The following STARD13 variants were observed in gnomAD, a reference collection of about 807,000 sequenced individuals.
STARD13 encodes StAR related lipid transfer domain containing 13.
In STARD13, 62 loss-of-function variants were observed where a neutral mutation model predicts 106.4. That is an observed-to-expected ratio of 0.58 (90% confidence interval 0.48 to 0.72). STARD13 has a LOEUF of 0.72. STARD13 is among the 30% of genes least tolerant of loss of function. The pLI, the probability that STARD13 is intolerant of heterozygous loss-of-function variation, is 0.00. For missense variants in STARD13, 1,387 were observed against 1,424.0 expected, an observed-to-expected ratio of 0.97 and a Z score of 0.42; for synonymous variants, 565 against 553.0, an observed-to-expected ratio of 1.02 and a Z score of -0.31.
At chr13:33,430,003 C>T in the STARD13 span, among the ~76,000 whole-genome samples, 10 of 151,768 alleles carry the variant, frequency 6.6e-5, no homozygotes, top group African/African-American at 7.3e-5. Context: ...CTGCAAGCTC[C>T]GCCTCCCAGG....
the STARD13 span, among the ~76,000 whole-genome samples, chr13:33,477,117 C>T: frequency 2.0e-5 from 3 of 152,210 alleles, no homozygotes; most frequent in Non-Finnish European, 4.4e-5. Flanking sequence ...AATGTTACCT[C>T]TCTAAATTCT....
At chr13:33,659,801 C>A in the STARD13 span, 4 of 152,244 alleles carry the variant, frequency 2.6e-5, no homozygotes, top group South Asian at 8.3e-4. Context: ...AAAATGACAT[C>A]CTGAGCTAAG....
At chr13:33,639,286 A>C in the STARD13 span, among the ~76,000 whole-genome samples, 1 of 152,152 alleles carries the variant, frequency 6.6e-6, no homozygotes, top group African/African-American at 2.4e-5. Flanking sequence ...GAATACTTGT[A>C]CCAAGGCCAT....
chr13:33,550,348 T>C, the STARD13 span, among the ~76,000 whole-genome samples: 1 of 152,168 alleles, frequency 6.6e-6, no homozygotes, highest in Non-Finnish European at 1.5e-5. Context: ...CATAGCAAGG[T>C]TTTCTTTATG....
the STARD13 span, among the ~76,000 whole-genome samples, chr13:33,384,585 A>T: frequency 1.3e-5 from 2 of 152,360 alleles, no homozygotes; most frequent in South Asian, 2.1e-4. Flanking sequence ...GTAGTACAAC[A>T]GTGAATTAGC....
chr13:33,579,899 A>G, the STARD13 span, among the ~76,000 whole-genome samples: 1 of 152,020 alleles, frequency 6.6e-6, no homozygotes, highest in Non-Finnish European at 1.5e-5. Flanking sequence ...AATGACTAAA[A>G]TCACAAACAC....
At chr13:33,124,981 C>G (rs1192516934) in intron 7 of STARD13, among the ~76,000 whole-genome samples, 2 of 152,208 alleles carry the variant, frequency 1.3e-5, no homozygotes, top group Non-Finnish European at 2.9e-5. Context: ...TGCAGATTCT[C>G]TAAATTAAAA....
At chr13:33,254,639 C>T (rs1890250929) in intron 1 of STARD13, among the ~76,000 whole-genome samples, 1 of 152,144 alleles carries the variant, frequency 6.6e-6, no homozygotes, top group South Asian at 2.1e-4. Flanking sequence ...TCCCGAAACC[C>T]AGGCTCCAGA....
intron 3 of STARD13, among the ~76,000 whole-genome samples, chr13:33,148,200 A>C (rs1274464905): frequency 6.6e-6 from 1 of 152,256 alleles, no homozygotes; most frequent in Non-Finnish European, 1.5e-5. Context: ...TGGTCCATGA[A>C]AGAAATAACT....
rs1443931000 is a variant in STARD13 at position 33,308,352 on chromosome 13, G to A, written c.124+41938C>T. 3.9e-4 allele frequency among the ~76,000 whole-genome samples: 59 copies of A among 152,106 alleles called. 1 individual carries two copies. Among genetic ancestry groups the A allele is most frequent in the Admixed American group, 3.9e-3 (59 of 15,262 alleles). ...GCCAGTATGCCTGAAATAGACACAAGTATAGGGTTTATAGTATATATATAT... is the reference window on the plus strand; with the variant it reads ...GCCAGTATGCCTGAAATAGACACAAATATAGGGTTTATAGTATATATATAT... On this transcript the variant is annotated intron_variant, in intron 1 of 5. Transcript: ENST00000567873.
the STARD13 span, among the ~76,000 whole-genome samples, chr13:33,432,795 A>C: frequency 1.3e-5 from 2 of 152,188 alleles, no homozygotes; most frequent in Non-Finnish European, 2.9e-5. Flanking sequence ...AATCTCTTAA[A>C]ACAGAGATTG....
At chr13:33,497,533 C>T in the STARD13 span, among the ~76,000 whole-genome samples, 101 of 152,254 alleles carry the variant, frequency 6.6e-4, 1 homozygote, top group South Asian at 0.018. Context: ...AGCTAAATCA[C>T]GCAGTCACTC....
the STARD13 span, among the ~76,000 whole-genome samples, chr13:33,667,873 T>C: frequency 3.3e-5 from 5 of 152,244 alleles, no homozygotes; most frequent in Admixed American, 6.5e-5. Flanking sequence ...CTGTACATCA[T>C]GAACCATAAC....
chr13:33,430,149 C>G, the STARD13 span, among the ~76,000 whole-genome samples: 1,592 of 152,282 alleles, frequency 0.01, 35 homozygotes, highest in African/African-American at 0.036. Flanking sequence ...GATCTCCTGA[C>G]CTAGTGATCC....
the STARD13 span, among the ~76,000 whole-genome samples, chr13:33,412,988 A>G: frequency 6.6e-6 from 1 of 152,222 alleles, no homozygotes; most frequent in Non-Finnish European, 1.5e-5. Flanking sequence ...ACTTCACTCA[A>G]CCACAGCAGA....
At chr13:33,413,272 G>C in the STARD13 span, among the ~76,000 whole-genome samples, 1 of 151,914 alleles carries the variant, frequency 6.6e-6, no homozygotes, top group Admixed American at 6.6e-5. Flanking sequence ...AAAGCCATGA[G>C]GGAAACTTGT....
intron 7 of STARD13, 118 bp downstream of exon 7, chr13:33,125,963 A>G: frequency 2.8e-6 from 3 of 1,071,294 alleles, no homozygotes; most frequent in Non-Finnish European, 4.1e-6. Context: ...AATGCCTTTT[A>G]TTTTTGGTGA....
At chr13:33,487,650 C>G in the STARD13 span, among the ~76,000 whole-genome samples, 1 of 152,138 alleles carries the variant, frequency 6.6e-6, no homozygotes, top group Admixed American at 6.5e-5. Flanking sequence ...CATAATCTTC[C>G]TTGTTCAAAA....
the STARD13 span, among the ~76,000 whole-genome samples, chr13:33,657,821 A>G: frequency 6.6e-6 from 1 of 152,196 alleles, no homozygotes; most frequent in Non-Finnish European, 1.5e-5. Context: ...ACACTAGTAA[A>G]TCTACTATTA....
Sources: allele counts gnomAD v4.1 joint callset (sites outside exome capture counted in the v4.1 genomes callset), GRCh38; gene constraint gnomAD v4.1.1; transcripts MANE v1.5; gene names NCBI Gene and HGNC (gene_info 2026-07-23, HGNC 2026-07-21).